Variants in AKT2 observed in about 807,000 individuals in gnomAD.
AKT2 encodes AKT serine/threonine kinase 2, also known as RAC-beta serine/threonine-protein kinase.
Under a neutral mutation model 58.6 loss-of-function variants are expected in AKT2, and 16 were observed. The ratio of observed to expected loss-of-function variants is 0.27; its 90% CI spans 0.18 to 0.41. The LOEUF (loss-of-function observed/expected upper bound fraction) is 0.41. AKT2 is among the 10% of genes least tolerant of loss of function. The probability of loss-of-function intolerance (pLI) is 1.00; values close to 1 mark genes in which losing one functional copy is unlikely to be tolerated. For synonymous variants in AKT2, 253 were observed against 254.0 expected (o/e 1.00, Z 0.04); for missense variants, 438 against 661.0 (o/e 0.66, Z 3.70).
At chr19:40,246,469 T>A (rs1453220970) in intron 4 of AKT2, among the ~76,000 whole-genome samples, 1 of 152,098 alleles carries the variant, frequency 6.6e-6, no homozygotes, top group Non-Finnish European at 1.5e-5. Flanking sequence ...TCACAAATTT[T>A]AAATTTTTTT....
intron 2 of AKT2, among the ~76,000 whole-genome samples, chr19:40,262,606 C>T (rs918359060): frequency 2.0e-5 from 3 of 152,204 alleles, no homozygotes; most frequent in East Asian, 3.8e-4. Flanking sequence ...AGAGGCAGCA[C>T]GTGGGCCAGG....
rs1369091403 is a variant in AKT2 at position 40,237,957 on chromosome 19, C to T, written c.831+12G>A. On this transcript the variant is annotated intron_variant, in intron 9 of 13. Transcript: ENST00000392038. The surrounding 1 kb of genome is among the most constrained non-coding windows in gnomAD (Gnocchi z 4.5). ...TGCCACAGGTCAGCCTGGCGCACAC[C>T]CTGCCACTAACCTTGATGTCGCGGT... 6.2e-7 allele frequency: 1 copy of T among 1,613,032 alleles called. No individual in the cohort carries two copies. The highest frequency in any genetic ancestry group is 8.5e-7 in the Non-Finnish European group (1 of 1,179,820).
chr19:40,243,411 T>C (rs1049967738), intron 4 of AKT2: 2 of 152,812 alleles, frequency 1.3e-5, no homozygotes, highest in Non-Finnish European at 2.9e-5. Flanking sequence ...CAGCATTCAT[T>C]AGCCAAAGGA....
chr19:40,269,251 C>T (rs1262699766), intron 1 of AKT2, among the ~76,000 whole-genome samples: 3 of 152,174 alleles, frequency 2.0e-5, no homozygotes, highest in Admixed American at 6.5e-5. Context: ...ACACTCATTA[C>T]TTCCTAAGGT....
intron 1 of AKT2, among the ~76,000 whole-genome samples, chr19:40,266,929 T>C (rs370164307): frequency 6.6e-6 from 1 of 152,288 alleles, no homozygotes; most frequent in African/African-American, 2.4e-5. Flanking sequence ...ACCACTGCAC[T>C]CCAGCTTAGG....
intron 2 of AKT2, among the ~76,000 whole-genome samples, chr19:40,258,659 A>C (rs902384045): frequency 6.6e-6 from 1 of 151,024 alleles, no homozygotes; most frequent in Non-Finnish European, 1.5e-5. Flanking sequence ...TAGCTCTTAA[A>C]AAAAAAAAAA....
At chr19:40,272,902 C>T (rs966149187) in intron 1 of AKT2, among the ~76,000 whole-genome samples, 1 of 152,220 alleles carries the variant, frequency 6.6e-6, no homozygotes, top group African/African-American at 2.4e-5. Flanking sequence ...GTCATGTTCC[C>T]TTTCTTCACC....
intron 2 of AKT2, 153 bp downstream of exon 2, chr19:40,265,069 A>G (rs1163256568): frequency 1.7e-6 from 2 of 1,163,446 alleles, no homozygotes; most frequent in Non-Finnish European, 2.5e-6. Flanking sequence ...GAAGGAGTCC[A>G]CGAAATGGGG....
chr19:40,233,579 C>A lies in AKT2; in HGVS notation c.*293G>T, dbSNP rs1319919312. The A allele has an allele frequency of 1.4e-6, 1 of 698,162 alleles. No homozygotes were observed. Among genetic ancestry groups the A allele is most frequent in the East Asian group, 2.8e-5 (1 of 36,296 alleles). The allele number at this position is 698,162 out of a possible 1,614,324, so 43.2% of individuals were successfully genotyped here. On this transcript the variant is annotated 3_prime_UTR_variant, in exon 14 of 14. Transcript: ENST00000392038. The surrounding 1 kb of genome is among the most constrained non-coding windows in gnomAD (Gnocchi z 4.3). ...CCCAGGCGCCATGCTTCACCCCTCA[C>A]TGGGGCTTGTGTGGATTAAAACCTG...
At chr19:40,255,067 G>A in intron 4 of AKT2, 91 bp downstream of exon 4, 3 of 1,051,110 alleles carry the variant, frequency 2.9e-6, no homozygotes, top group Admixed American at 1.7e-5. Flanking sequence ...CCCTATGTAG[G>A]GTCCCAGGGA....
intron 1 of AKT2, among the ~76,000 whole-genome samples, chr19:40,267,404 G>T (rs915793010): frequency 6.6e-6 from 1 of 152,074 alleles, no homozygotes; most frequent in Non-Finnish European, 1.5e-5. Context: ...TCCATGTTAT[G>T]CTTCTGTCAC....
rs1352643863 is a variant in AKT2 at position 40,238,144 on chromosome 19, C to T, written c.709-53G>A. ...GGTCAGGCCCCAGCCCACCCACCTG[C>T]CCTCACCTTCCCAGCCCCCTGCCCC... On this transcript the variant is annotated intron_variant, in intron 8 of 13. Coordinates refer to ENST00000392038, the MANE Select transcript of AKT2 (RefSeq NM_001626.6). The surrounding 1 kb of genome is among the most constrained non-coding windows in gnomAD (Gnocchi z 5.1). The T allele has an allele frequency of 1.3e-6, 2 of 1,552,578 alleles. No homozygotes were observed. Among genetic ancestry groups the T allele is most frequent in the Non-Finnish European group, 1.7e-6 (2 of 1,148,696 alleles).
Position 40,232,464 on chromosome 19 carries a change from C to T in AKT2, c.*1408G>A, listed in dbSNP as rs145836031. The T allele has an allele frequency of 6.3e-3, 1,470 of 233,532 alleles. 8 individuals carry two copies. The highest frequency in any genetic ancestry group is 8.5e-3 in the Non-Finnish European group (1,008 of 118,104). 14.5% of individuals were successfully genotyped at this position (233,532 alleles called of 1,614,324 possible). ...AAAGACCCTCACCCACCCGAACCAA[C>T]CCCACCCCTCCCCACCCTGCCATGA... On this transcript the variant is annotated 3_prime_UTR_variant, in exon 14 of 14. Transcript: ENST00000392038.
intron 2 of AKT2, among the ~76,000 whole-genome samples, chr19:40,262,629 T>C (rs1321668076): frequency 2.0e-5 from 3 of 152,234 alleles, no homozygotes; most frequent in Admixed American, 2.0e-4. Context: ...TTGAGAGCAC[T>C]AGTTCAGGAG....
At chr19:40,283,740 T>C (rs2077464712) in intron 1 of AKT2, among the ~76,000 whole-genome samples, 2 of 152,080 alleles carry the variant, frequency 1.3e-5, no homozygotes, top group African/African-American at 4.8e-5. Flanking sequence ...CCATGGGGGA[T>C]CTGACTGTCC....
At position 40,238,781 on chromosome 19, in the gene AKT2, G is replaced by A. The variant is rs1974190456; in HGVS notation, c.708+124C>T. ...AGACGAAGCCGCCTGCCTCAAGGGAGAGGGGCACTAGATGACACTGAAATT... is the reference window on the plus strand; with the variant it reads ...AGACGAAGCCGCCTGCCTCAAGGGAAAGGGGCACTAGATGACACTGAAATT... On this transcript the variant is annotated intron_variant, in intron 8 of 13. Coordinates refer to ENST00000392038, the MANE Select transcript of AKT2 (RefSeq NM_001626.6). The surrounding 1 kb of genome is among the most constrained non-coding windows in gnomAD (Gnocchi z 5.1). 9.6e-7 allele frequency: 1 copy of A among 1,044,062 alleles called. No homozygotes were observed. The highest frequency in any genetic ancestry group is 1.6e-5 in the African/African-American group (1 of 63,818). 64.7% of individuals were successfully genotyped at this position (1,044,062 alleles called of 1,614,324 possible). A position where few individuals can be genotyped will look rare whatever the true frequency, so the allele number is the denominator to read the frequency against.
In AKT2 at chr19:40,242,731, G is replaced by A. The variant is rs1182787821; in HGVS notation, c.288-44C>T. 6.2e-7 allele frequency: 1 copy of A among 1,603,094 alleles called. No individual in the cohort carries two copies. Among genetic ancestry groups the A allele is most frequent in the Non-Finnish European group, 8.5e-7 (1 of 1,178,608 alleles). The stretch of plus-strand genomic sequence containing the variant: ...GAGTCCCAGCAGCCAGGAGTCCTGG[G>A]CCTCAGAGTCGAACAGCTGAGTGCC... On this transcript the variant is annotated intron_variant, in intron 4 of 13. Coordinates refer to ENST00000392038, the MANE Select transcript of AKT2 (RefSeq NM_001626.6). The surrounding 1 kb of genome is among the most constrained non-coding windows in gnomAD (Gnocchi z 4.3).
At chr19:40,245,929 G>A (rs577754186) in intron 4 of AKT2, among the ~76,000 whole-genome samples, 6 of 152,078 alleles carry the variant, frequency 3.9e-5, no homozygotes, top group East Asian at 3.9e-4. Context: ...GGCAGAGCAC[G>A]CACTGAGCCC....
At chr19:40,252,471 C>CTCCACCTTGTCAGT (rs1975228762) in intron 4 of AKT2, among the ~76,000 whole-genome samples, 1 of 152,230 alleles carries the variant, frequency 6.6e-6, no homozygotes, top group Non-Finnish European at 1.5e-5. Flanking sequence ...ACCTTGTCAG[C>CTCCACCTTGTCAGT]TCCACCTTGT....
Sources: gnomAD v4.1 joint callset for allele counts (sites outside exome capture counted in the v4.1 genomes callset) on GRCh38, gnomAD v4.1.1 for gene constraint, Gnocchi (gnomAD v3.1) non-coding constraint, MANE v1.5 for transcripts, NCBI Gene and HGNC (gene_info 2026-07-23, HGNC 2026-07-21) for gene names.